The following PRR5 variants were observed in gnomAD, a reference collection of about 807,000 sequenced individuals.
PRR5 encodes the protein proline rich 5.
Under a neutral mutation model 30.6 loss-of-function variants are expected in PRR5, and 25 were observed. That is an observed-to-expected ratio of 0.82 (90% CI 0.60 to 1.14). The LOEUF is 1.14. PRR5 is among the 50% of genes most tolerant of loss of function. The pLI, the probability that PRR5 is intolerant of heterozygous loss-of-function variation, is 0.00. For synonymous variants in PRR5, 286 were observed against 247.1 expected, an observed-to-expected ratio of 1.16 and a Z score of -1.48; for missense variants, 600 against 547.1, an observed-to-expected ratio of 1.10 and a Z score of -0.96.
intron 6 of PRR5, 131 bp downstream of exon 6, chr22:44,732,522 G>A (rs1922216846): frequency 2.9e-6 from 4 of 1,360,732 alleles, no homozygotes; most frequent in Non-Finnish European, 3.9e-6. Flanking sequence ...CAGAGGAGAA[G>A]CCTGTCAGGG....
chr22:44,714,324 G>T (rs1243490068), intron 1 of PRR5, among the ~76,000 whole-genome samples: 3 of 152,186 alleles, frequency 2.0e-5, no homozygotes, highest in Non-Finnish European at 2.9e-5. Flanking sequence ...AAGGAAGCTG[G>T]CTGAGGTTTG....
intron 4 of PRR5, chr22:44,730,738 C>T (rs992084152): frequency 2.1e-5 from 19 of 904,516 alleles, no homozygotes; most frequent in African/African-American, 1.1e-4. Flanking sequence ...CTTCCTTCGA[C>T]GTGGTGCTGC....
In PRR5 at chr22:44,717,717, CTTTTTTT is replaced by C. The variant is rs775675392; in HGVS notation, c.215+3056_215+3062del. Among the ~76,000 whole-genome samples the C allele has an allele frequency of 2.5e-4, 33 of 133,668 alleles. 1 individual carries two copies. The highest frequency in any genetic ancestry group is 1.4e-3 in the Admixed American group (19 of 13,452). The allele number at this position is 133,668 out of a possible 152,430, so 87.7% of individuals were successfully genotyped here. ...GGGAGGAGTACTTACCCCTGCTTTG[CTTTTTTT>C]TTTTTTTTTGAGACGGAGTTTCACT... On this transcript the variant is annotated intron_variant, in intron 2 of 7. Coordinates refer to ENST00000336985, the MANE Select transcript of PRR5 (RefSeq NM_181333.4).
intron 1 of PRR5, among the ~76,000 whole-genome samples, chr22:44,685,385 C>A (rs937926224): frequency 1.3e-5 from 2 of 152,226 alleles, no homozygotes; most frequent in East Asian, 1.9e-4. Context: ...AAAACGATTT[C>A]TCCTCTGTCT....
Position 44,702,234 on chromosome 22 carries a change from C to G in PRR5, c.-241C>G, listed in dbSNP as rs1334669798. 8.9e-7 allele frequency: 1 copy of G among 1,118,078 alleles called. No homozygotes were observed. The highest frequency in any genetic ancestry group is 1.1e-6 in the Non-Finnish European group (1 of 914,736). The allele number at this position is 1,118,078 out of a possible 1,614,324, so 69.3% of individuals were successfully genotyped here. ...CCGTTTGCGCCGGGTCTGTGCTGGC[C>G]GCGCGCCTGGCGCTCCACGCTGAGC... On this transcript the variant is annotated 5_prime_UTR_variant, in exon 1 of 8. Coordinates refer to ENST00000336985, the MANE Select transcript of PRR5 (RefSeq NM_181333.4).
chr22:44,676,040 A>T (rs949445), upstream of PRR5, among the ~76,000 whole-genome samples: 9,164 of 151,920 alleles, frequency 0.06, 592 homozygotes, highest in African/African-American at 0.16. Flanking sequence ...ACTGGCTCAG[A>T]TGGGCAAGTT....
chr22:44,731,060 G>T, intron 4 of PRR5: 1 of 296,948 alleles, frequency 3.4e-6, no homozygotes. Flanking sequence ...GAGGGAGGAG[G>T]TCGGTGGGTA....
chr22:44,729,961 G>A lies in PRR5; in HGVS notation c.323-1769G>A, dbSNP rs112321387. ...TGGGCACAGTTCGGCGGGGCGGTGAGCATCCATCCGTCCGGGGCATTCCTG... is the reference window on the plus strand; with the variant it reads ...TGGGCACAGTTCGGCGGGGCGGTGAACATCCATCCGTCCGGGGCATTCCTG... On this transcript the variant is annotated intron_variant, in intron 4 of 7. Coordinates refer to ENST00000336985, the MANE Select transcript of PRR5 (RefSeq NM_181333.4). The A allele has an allele frequency of 1.3e-3, 1,299 of 985,444 alleles. 12 individuals carry two copies. The African/African-American group carries it at 0.02, about 16-fold the overall frequency. 61.0% of individuals were successfully genotyped at this position (985,444 alleles called of 1,614,324 possible). A position where few individuals can be genotyped will look rare whatever the true frequency, so the allele number is the denominator to read the frequency against.
chr22:44,711,489 G>A (rs1928230479), intron 1 of PRR5, among the ~76,000 whole-genome samples: 1 of 151,832 alleles, frequency 6.6e-6, no homozygotes, highest in Non-Finnish European at 1.5e-5. Flanking sequence ...ATGGTGTAGG[G>A]TCACCTCTGG....
At chr22:44,713,633 T>C (rs1928593746) in intron 1 of PRR5, among the ~76,000 whole-genome samples, 1 of 152,368 alleles carries the variant, frequency 6.6e-6, no homozygotes, top group Admixed American at 6.5e-5. Context: ...CCCAGAGTGC[T>C]GGGATTACAG....
At chr22:44,692,156 C>T (rs1925295689) in intron 1 of PRR5, among the ~76,000 whole-genome samples, 1 of 151,978 alleles carries the variant, frequency 6.6e-6, no homozygotes, top group Admixed American at 6.5e-5. Flanking sequence ...AGCCCACACC[C>T]GTCTCCTCCT....
At chr22:44,730,392 C>T (rs1921726285) in intron 4 of PRR5, 1 of 985,110 alleles carries the variant, frequency 1.0e-6, no homozygotes, top group Non-Finnish European at 1.2e-6. Context: ...GACTGTGCAT[C>T]CCTGGACCCA....
intron 1 of PRR5, among the ~76,000 whole-genome samples, chr22:44,684,340 CA>C (rs1924556331): frequency 6.6e-6 from 1 of 152,138 alleles, no homozygotes; most frequent in Non-Finnish European, 1.5e-5. Context: ...GTCAGGAGTT[CA>C]AGACCAGCCT....
upstream of PRR5, among the ~76,000 whole-genome samples, chr22:44,698,668 G>A (rs546258027): frequency 8.5e-5 from 13 of 152,328 alleles, no homozygotes; most frequent in East Asian, 9.7e-4. Flanking sequence ...GAGCTGTCAC[G>A]TGGGGCTCAG....
intron 4 of PRR5, chr22:44,731,020 T>G: frequency 2.8e-6 from 1 of 360,492 alleles, no homozygotes; most frequent in Non-Finnish European, 5.9e-6. Context: ...TGTTCTGTGT[T>G]TGTTGGAGGG....
Position 44,735,180 on chromosome 22 carries a change from C to T in PRR5, c.691+18C>T. 1 of 1,609,024 alleles carries T rather than the reference C, an allele frequency of 6.2e-7. No individual in the cohort carries two copies. Among genetic ancestry groups the T allele is most frequent in the Non-Finnish European group, 8.5e-7 (1 of 1,178,154 alleles). On this transcript the variant is annotated intron_variant, in intron 7 of 7. Transcript: ENST00000336985. ...CATCCTGGGTAGGGGTCCGCCTGGGCCTTGGGCTGGGGCAGGGGTGACCAC... is the reference window on the plus strand; with the variant it reads ...CATCCTGGGTAGGGGTCCGCCTGGGTCTTGGGCTGGGGCAGGGGTGACCAC...
chr22:44,685,240 C>T (rs1924641070), intron 1 of PRR5, among the ~76,000 whole-genome samples: 1 of 152,182 alleles, frequency 6.6e-6, no homozygotes, highest in South Asian at 2.1e-4. Context: ...TTACCCCATG[C>T]ACTGGGACAG....
chr22:44,678,734 T>C (rs1421952455), intron 1 of PRR5, among the ~76,000 whole-genome samples: 1 of 152,214 alleles, frequency 6.6e-6, no homozygotes, highest in Admixed American at 6.5e-5. Context: ...CACCCTGGGC[T>C]CTGCTCATGC....
At chr22:44,683,167 G>C (rs1924442048) in intron 1 of PRR5, among the ~76,000 whole-genome samples, 1 of 152,216 alleles carries the variant, frequency 6.6e-6, no homozygotes, top group Non-Finnish European at 1.5e-5. Context: ...GACCCTGGGA[G>C]CTGATTGCTC....
Sources: allele counts gnomAD v4.1 joint callset (sites outside exome capture counted in the v4.1 genomes callset), GRCh38; gene constraint gnomAD v4.1.1; transcripts MANE v1.5; gene names NCBI Gene and HGNC (gene_info 2026-07-23, HGNC 2026-07-21).